The following GTF2IRD1 variants were observed in gnomAD, a reference collection of about 807,000 sequenced individuals.
The protein encoded by GTF2IRD1 is GTF2I repeat domain containing 1, also known as general transcription factor II-I repeat domain-containing protein 1.
A neutral mutation model predicts 113.2 loss-of-function variants in GTF2IRD1; 26 were observed. That is an observed-to-expected ratio of 0.23 (90% CI 0.17 to 0.32). The LOEUF (loss-of-function observed/expected upper bound fraction) is 0.32, where lower values mean the gene tolerates loss of function less well. GTF2IRD1 is among the 10% of genes least tolerant of loss of function. The pLI is 1.00. For synonymous variants in GTF2IRD1, 484 were observed against 529.1 expected, an observed-to-expected ratio of 0.91 and a Z score of 1.17; for missense variants, 864 against 1,280.8, an observed-to-expected ratio of 0.67 and a Z score of 4.97.
At chr7:74,481,913 C>T (rs111486673) in intron 1 of GTF2IRD1, among the ~76,000 whole-genome samples, 4,259 of 152,286 alleles carry the variant, frequency 0.028, 199 homozygotes, top group African/African-American at 0.096. Flanking sequence ...GGACTGTGTG[C>T]ACCCAGGGCC....
intron 8 of GTF2IRD1, among the ~76,000 whole-genome samples, chr7:74,527,143 G>A (rs1376493709): frequency 6.6e-6 from 1 of 152,110 alleles, no homozygotes; most frequent in African/African-American, 2.4e-5. Flanking sequence ...GGTCATACGG[G>A]GAGGCAAGAG....
intron 25 of GTF2IRD1, among the ~76,000 whole-genome samples, chr7:74,598,895 G>T (rs189083029): frequency 6.6e-6 from 1 of 152,094 alleles, no homozygotes; most frequent in Admixed American, 6.6e-5. Context: ...CTTCTCTTTC[G>T]CAGGGTCTCT....
chr7:74,490,669 G>A (rs2117219240), intron 1 of GTF2IRD1, among the ~76,000 whole-genome samples: 1 of 151,816 alleles, frequency 6.6e-6, no homozygotes, highest in African/African-American at 2.4e-5. Flanking sequence ...TGGGGTGTGT[G>A]CCTGCCTTTG....
intron 17 of GTF2IRD1, among the ~76,000 whole-genome samples, chr7:74,551,382 A>C (rs1194820725): frequency 2.0e-5 from 3 of 152,246 alleles, no homozygotes; most frequent in Non-Finnish European, 4.4e-5. Context: ...AATAAAACAC[A>C]AAGAGACAAA....
At chr7:74,588,785 G>T (rs1801880685) in intron 22 of GTF2IRD1, among the ~76,000 whole-genome samples, 1 of 152,128 alleles carries the variant, frequency 6.6e-6, no homozygotes, top group Non-Finnish European at 1.5e-5. Flanking sequence ...GCCTGCCTCT[G>T]CCTCCCAAAG....
chr7:74,490,824 G>A (rs1184190796), intron 1 of GTF2IRD1, among the ~76,000 whole-genome samples: 1 of 152,088 alleles, frequency 6.6e-6, no homozygotes, highest in Non-Finnish European at 1.5e-5. Context: ...CTTCCAAGGG[G>A]GAAGAGATTG....
chr7:74,495,036 G>A (rs941585799), intron 1 of GTF2IRD1, among the ~76,000 whole-genome samples: 3 of 152,228 alleles, frequency 2.0e-5, no homozygotes, highest in African/African-American at 7.2e-5. Context: ...TTACAGGCAT[G>A]AGCCACCACA....
chr7:74,573,575 G>A (rs1800822887), intron 22 of GTF2IRD1, among the ~76,000 whole-genome samples: 1 of 152,116 alleles, frequency 6.6e-6, no homozygotes, highest in Admixed American at 6.6e-5. Context: ...CCTTTATTTG[G>A]GCTGGAATGA....
chr7:74,459,231 G>A (rs553755784), intron 1 of GTF2IRD1, among the ~76,000 whole-genome samples: 9 of 152,218 alleles, frequency 5.9e-5, no homozygotes, highest in African/African-American at 1.9e-4. Flanking sequence ...AGACCGAGGC[G>A]GGCGGATCAC....
At chr7:74,527,127 G>A (rs368214870) in intron 8 of GTF2IRD1, among the ~76,000 whole-genome samples, 39 of 152,276 alleles carry the variant, frequency 2.6e-4, no homozygotes, top group Non-Finnish European at 3.7e-4. Context: ...TCGAGGCCCC[G>A]TCCATGGTCA....
intron 17 of GTF2IRD1, among the ~76,000 whole-genome samples, chr7:74,549,302 CAA>C (rs71813162): frequency 0.045 from 4,876 of 107,978 alleles, 100 homozygotes; most frequent in South Asian, 0.075. Flanking sequence ...GACTCTGTCT[CAA>C]AAAAAAAAAA....
intron 26 of GTF2IRD1, chr7:74,601,894 A>G (rs1802788239): frequency 6.1e-6 from 1 of 164,580 alleles, no homozygotes; most frequent in Non-Finnish European, 1.3e-5. Context: ...CAGTGAGCCA[A>G]GATCGTCCCA....
At chr7:74,599,210 G>T (rs1802598763) in intron 25 of GTF2IRD1, among the ~76,000 whole-genome samples, 1 of 152,168 alleles carries the variant, frequency 6.6e-6, no homozygotes, top group Non-Finnish European at 1.5e-5. Flanking sequence ...GGAGGTGGAG[G>T]TTGCAGTGAG....
At chr7:74,566,857 T>G in intron 22 of GTF2IRD1, among the ~76,000 whole-genome samples, 1 of 152,152 alleles carries the variant, frequency 6.6e-6, no homozygotes, top group East Asian at 1.9e-4. Flanking sequence ...TAGGGCTTGT[T>G]GTGTGTCCCT....
chr7:74,566,893 T>C (rs1361146043), intron 22 of GTF2IRD1, among the ~76,000 whole-genome samples: 4 of 152,178 alleles, frequency 2.6e-5, no homozygotes. Context: ...CACGCCCTCT[T>C]TCCCACCACC....
intron 22 of GTF2IRD1, among the ~76,000 whole-genome samples, chr7:74,580,899 T>C (rs1332867822): frequency 3.3e-5 from 5 of 152,170 alleles, no homozygotes; most frequent in Non-Finnish European, 5.9e-5. Context: ...GAGAACACTC[T>C]GAAATGTTTG....
At chr7:74,486,344 C>T (rs1008870359) in intron 1 of GTF2IRD1, among the ~76,000 whole-genome samples, 31 of 152,212 alleles carry the variant, frequency 2.0e-4, no homozygotes, top group African/African-American at 7.0e-4. Flanking sequence ...CCGCAGGCAG[C>T]TGCTCAGGCA....
intron 22 of GTF2IRD1, among the ~76,000 whole-genome samples, chr7:74,573,873 G>A (rs1299731981): frequency 6.6e-6 from 1 of 152,222 alleles, no homozygotes; most frequent in Non-Finnish European, 1.5e-5. Flanking sequence ...AGGCCTTGGG[G>A]GCGCAGGTGC....
At chr7:74,558,554 C>T (rs1355697757) in intron 20 of GTF2IRD1, among the ~76,000 whole-genome samples, 26 of 151,670 alleles carry the variant, frequency 1.7e-4, no homozygotes, top group African/African-American at 5.8e-4. Flanking sequence ...TTAGTAAAGA[C>T]AGGGTCTTGC....
Sources: gnomAD v4.1 joint callset for allele counts (sites outside exome capture counted in the v4.1 genomes callset) on GRCh38, gnomAD v4.1.1 for gene constraint, MANE v1.5 for transcripts, NCBI Gene and HGNC (gene_info 2026-07-23, HGNC 2026-07-21) for gene names.